Variants in TRIM55 observed in about 807,000 individuals in gnomAD.
The protein encoded by TRIM55 is tripartite motif-containing protein 55.
In TRIM55, 50 loss-of-function variants were observed where a neutral mutation model predicts 60.9. The observed-to-expected ratio is 0.82, with a 90% CI of 0.65 to 1.04. TRIM55 has a LOEUF of 1.04. Among genes scored for constraint, TRIM55 ranks in the 50% least tolerant of loss-of-function variants. The pLI is 0.00. For missense variants in TRIM55, 681 were observed against 666.9 expected, an observed-to-expected ratio of 1.02 and a Z score of -0.23; for synonymous variants, 237 against 238.1, an observed-to-expected ratio of 1.00 and a Z score of 0.04.
At chr8:66,127,498 C>A in intron 1 of TRIM55, 62 bp downstream of exon 1, 7 of 1,578,194 alleles carry the variant, frequency 4.4e-6, no homozygotes, top group South Asian at 1.1e-5. Context: ...CTCTTGGAAT[C>A]AAGTGCTTAA....
At chr8:66,143,058 C>T (rs1476427384) in intron 4 of TRIM55, among the ~76,000 whole-genome samples, 1 of 152,070 alleles carries the variant, frequency 6.6e-6, no homozygotes, top group African/African-American at 2.4e-5. Flanking sequence ...TTTGAAGTTC[C>T]TTATTTCAAA....
chr8:66,132,481 T>C (rs1311050397), intron 2 of TRIM55, among the ~76,000 whole-genome samples: 1 of 152,238 alleles, frequency 6.6e-6, no homozygotes, highest in African/African-American at 2.4e-5. Flanking sequence ...ACTACAAAGT[T>C]ACTACTTCAA....
chr8:66,123,564 A>G (rs986581458), upstream of TRIM55, among the ~76,000 whole-genome samples: 7 of 152,214 alleles, frequency 4.6e-5, no homozygotes, highest in Admixed American at 6.5e-5. Flanking sequence ...GAGAGAAAAA[A>G]AAAGAGAGAG....
At chr8:66,133,533 G>A (rs949032617) in intron 2 of TRIM55, among the ~76,000 whole-genome samples, 44 of 152,104 alleles carry the variant, frequency 2.9e-4, no homozygotes, top group African/African-American at 9.4e-4. Context: ...CAAATAATGT[G>A]GTCAAATCAG....
the TRIM55 span, among the ~76,000 whole-genome samples, chr8:66,114,174 G>C: frequency 9.5e-5 from 14 of 147,160 alleles, no homozygotes; most frequent in Admixed American, 3.5e-4. Flanking sequence ...CAGATAATAA[G>C]CCGTGCCCAG....
Position 66,154,198 on chromosome 8 carries a change from G to A in TRIM55, c.1388G>A (p.Ser463Asn). 1 of 1,614,122 alleles carries A rather than the reference G, an allele frequency of 6.2e-7. No homozygotes were observed. The highest frequency in any genetic ancestry group is 1.1e-5 in the South Asian group (1 of 91,076). ...ATTNPPCTPG[S>N]EGLGQIGPPG... ...ACCAACCCACCTTGCACCCCAGGGA[G>A]CGAAGGTCTGGGGCAAATAGGGCCT... The change falls in exon 9 of 10, where the codon AGC (serine) becomes AAC (asparagine). Residue 463 changes from serine (S) to asparagine (N), a missense_variant. Physicochemically the swap from Ser to Asn is conservative, Grantham distance 46 (BLOSUM62 1). Coordinates refer to ENST00000315962, the MANE Select transcript of TRIM55 (RefSeq NM_184085.2).
intron 4 of TRIM55, among the ~76,000 whole-genome samples, chr8:66,143,293 T>C (rs1809925299): frequency 6.6e-6 from 1 of 152,218 alleles, no homozygotes; most frequent in African/African-American, 2.4e-5. Context: ...GTGTGCAAGC[T>C]AGTGCTGAGC....
At chr8:66,135,695 C>T (rs1586181596) in intron 3 of TRIM55, among the ~76,000 whole-genome samples, 1 of 152,280 alleles carries the variant, frequency 6.6e-6, no homozygotes, top group Non-Finnish European at 1.5e-5. Flanking sequence ...TGCTGGCCCT[C>T]CTGTCACCAG....
intron 8 of TRIM55, among the ~76,000 whole-genome samples, chr8:66,153,109 G>A (rs1428910793): frequency 1.3e-5 from 2 of 152,138 alleles, no homozygotes; most frequent in Non-Finnish European, 2.9e-5. Context: ...TGAATTTTCT[G>A]TAGATAATTG....
chr8:66,166,018 C>T (rs1168183915), intron 9 of TRIM55, among the ~76,000 whole-genome samples: 1 of 151,756 alleles, frequency 6.6e-6, no homozygotes, highest in African/African-American at 2.4e-5. Context: ...CATCCAGGTC[C>T]CCACAGCTGG....
intron 9 of TRIM55, among the ~76,000 whole-genome samples, chr8:66,167,615 A>G (rs1811396851): frequency 6.6e-6 from 1 of 152,186 alleles, no homozygotes; most frequent in African/African-American, 2.4e-5. Flanking sequence ...GATGGGCCTC[A>G]GGAAATTATT....
rs76290469 is a variant in TRIM55, at chr8:66,131,687, C to G, written c.341+3211C>G. On this transcript the variant is annotated intron_variant, in intron 2 of 9. Coordinates refer to ENST00000315962, the MANE Select transcript of TRIM55 (RefSeq NM_184085.2). ...TTTTCAGCCTCTCCCAGTCTGTCAC[C>G]GCCTACTTCCACCTTCAGGACTACT... 4.9e-3 allele frequency among the ~76,000 whole-genome samples: 745 copies of G among 152,296 alleles called. 7 individuals are homozygous for G. Among genetic ancestry groups the G allele is most frequent in the African/African-American group, 0.017 (727 of 41,558 alleles).
chr8:66,138,850 G>A (rs1327434729), intron 4 of TRIM55, among the ~76,000 whole-genome samples: 2 of 152,224 alleles, frequency 1.3e-5, no homozygotes, highest in Non-Finnish European at 2.9e-5. Flanking sequence ...CTGGCATGTG[G>A]TGAGTGTTCA....
chr8:66,125,172 A>G (rs1307010454), upstream of TRIM55, among the ~76,000 whole-genome samples: 1 of 152,238 alleles, frequency 6.6e-6, no homozygotes, highest in Non-Finnish European at 1.5e-5. Flanking sequence ...CTTTGGAGAA[A>G]GATGCAGGCC....
intron 9 of TRIM55, among the ~76,000 whole-genome samples, chr8:66,163,145 T>A (rs901163547): frequency 1.3e-5 from 2 of 152,212 alleles, no homozygotes; most frequent in South Asian, 4.1e-4. Context: ...ATAGCTTTAA[T>A]AGAAGCCTCC....
At chr8:66,132,131 G>A (rs911622959) in intron 2 of TRIM55, among the ~76,000 whole-genome samples, 2 of 152,194 alleles carry the variant, frequency 1.3e-5, no homozygotes, top group Non-Finnish European at 2.9e-5. Context: ...GCCACTACAT[G>A]GAGAAGCTGA....
intron 3 of TRIM55, among the ~76,000 whole-genome samples, chr8:66,136,352 A>T (rs1161084643): frequency 6.6e-6 from 1 of 152,216 alleles, no homozygotes; most frequent in African/African-American, 2.4e-5. Context: ...CAGCTTTAAA[A>T]TATTTTATAA....
upstream of TRIM55, among the ~76,000 whole-genome samples, chr8:66,122,687 A>C (rs148428612): frequency 6.6e-6 from 1 of 152,124 alleles, no homozygotes; most frequent in Non-Finnish European, 1.5e-5. Flanking sequence ...AAACCTAAAA[A>C]ACTAGTTCAG....
At chr8:66,133,992 G>A (rs910300644) in intron 2 of TRIM55, among the ~76,000 whole-genome samples, 3 of 151,906 alleles carry the variant, frequency 2.0e-5, no homozygotes, top group East Asian at 1.9e-4. Flanking sequence ...ATATACACAC[G>A]TACACCTGAA....
Sources: gnomAD v4.1 joint callset for allele counts (sites outside exome capture counted in the v4.1 genomes callset) on GRCh38, gnomAD v4.1.1 for gene constraint, MANE v1.5 for transcripts, NCBI Gene and HGNC (gene_info 2026-07-23, HGNC 2026-07-21) for gene names.